The following CACNA1I variants were observed in gnomAD, a reference collection of about 807,000 sequenced individuals.
The protein encoded by CACNA1I is voltage-dependent T-type calcium channel subunit alpha-1I.
Under a neutral mutation model 201.6 loss-of-function variants are expected in CACNA1I, and 74 were observed. The ratio of observed to expected loss-of-function variants is 0.37; its 90% CI spans 0.30 to 0.45. The LOEUF is 0.45. Ranked by LOEUF, CACNA1I falls within the 20% of genes least tolerant of loss-of-function variation. The pLI is 1.00. For synonymous variants in CACNA1I, 1,431 were observed against 1,345.2 expected, an observed-to-expected ratio of 1.06 and a Z score of -1.40; for missense variants, 2,346 against 3,138.1, an observed-to-expected ratio of 0.75 and a Z score of 6.03.
intron 3 of CACNA1I, among the ~76,000 whole-genome samples, chr22:39,617,416 C>T (rs559948100): frequency 9.3e-4 from 141 of 152,138 alleles, no homozygotes; most frequent in African/African-American, 3.3e-3. Flanking sequence ...ACTCCCCCCA[C>T]CCCGCCCCCC....
In CACNA1I at chr22:39,662,006, C is replaced by A; in HGVS notation, c.2943C>A (p.Ser981Arg). Residue 981 changes from serine to arginine, a missense_variant, in exon 17 of 37, where the codon AGC becomes AGA. Around this residue, in one of 13 missense-constraint regions of CACNA1I, gnomAD observed 288 missense variants for 255.2 expected, o/e 1.13. Transcript: ENST00000402142. ...CCTACTACGGGCCATGGGGCCGCAG[C>A]GCGGCCTGGGCCAGCCGTCGCTCCA... ...RSSYYGPWGR[S>R]AAWASRRSSW... The A allele has an allele frequency of 1.3e-6, 2 of 1,563,090 alleles. No homozygotes were observed. The highest frequency in any genetic ancestry group is 1.7e-6 in the Non-Finnish European group (2 of 1,159,466).
intron 7 of CACNA1I, among the ~76,000 whole-genome samples, chr22:39,644,151 G>A (rs1934416809): frequency 6.6e-6 from 1 of 152,208 alleles, no homozygotes; most frequent in South Asian, 2.1e-4. Context: ...GGCTCACAGA[G>A]CCCCTGAAGC....
chr22:39,662,726 G>T, intron 17 of CACNA1I, 50 bp from the exon 18 acceptor site: 1 of 1,343,722 alleles, frequency 7.4e-7, no homozygotes, highest in East Asian at 2.5e-5. Flanking sequence ...GGCGGAGACC[G>T]GCAACCCTGC....
intron 5 of CACNA1I, among the ~76,000 whole-genome samples, chr22:39,637,768 CA>C (rs1338150769): frequency 1.3e-5 from 2 of 152,208 alleles, no homozygotes; most frequent in Admixed American, 6.5e-5. Flanking sequence ...GTTTATCAAT[CA>C]TTTTTTTAGC....
chr22:39,658,423 T>G (rs136848), intron 11 of CACNA1I, 120 bp downstream of exon 11: 513,451 of 885,062 alleles, frequency 0.58, 155,378 homozygotes, highest in East Asian at 1. Flanking sequence ...CTGAAACAAT[T>G]ATCGAAATAG....
At chr22:39,591,041 T>C (rs978392810) in intron 1 of CACNA1I, among the ~76,000 whole-genome samples, 6 of 151,434 alleles carry the variant, frequency 4.0e-5, no homozygotes, top group African/African-American at 1.5e-4. Flanking sequence ...TTTGCAGATA[T>C]GAGGTCTCAC....
At chr22:39,647,151 C>A (rs1475404012) in intron 8 of CACNA1I, among the ~76,000 whole-genome samples, 1 of 117,364 alleles carries the variant, frequency 8.5e-6, no homozygotes, top group South Asian at 2.8e-4. Context: ...GTGGAGATAG[C>A]AGATCGGCCT....
intron 1 of CACNA1I, among the ~76,000 whole-genome samples, chr22:39,577,021 G>A (rs1453691757): frequency 6.6e-6 from 1 of 151,798 alleles, no homozygotes; most frequent in African/African-American, 2.4e-5. Context: ...GTGCGATCTC[G>A]GCTCACTGCA....
intron 1 of CACNA1I, among the ~76,000 whole-genome samples, chr22:39,584,970 T>G (rs132574): frequency 0.93 from 141,140 of 152,292 alleles, 65,628 homozygotes; most frequent in Middle Eastern, 0.96. Context: ...TGATAACAAA[T>G]AATATATGTT....
chr22:39,615,660 T>A (rs1345071968), intron 3 of CACNA1I, among the ~76,000 whole-genome samples: 1 of 152,184 alleles, frequency 6.6e-6, no homozygotes, highest in Non-Finnish European at 1.5e-5. Flanking sequence ...CTCCTTTCTA[T>A]CCTCTTCTGC....
At chr22:39,673,116 C>T in intron 28 of CACNA1I, 34 bp downstream of exon 28, 2 of 1,445,534 alleles carry the variant, frequency 1.4e-6, no homozygotes, top group Non-Finnish European at 1.9e-6. Context: ...GGAACGGGGA[C>T]AAGCAGGGGC....
chr22:39,647,987 G>C, intron 9 of CACNA1I, 61 bp downstream of exon 9: 1 of 1,456,050 alleles, frequency 6.9e-7, no homozygotes. Flanking sequence ...TCTCCCAGTT[G>C]GTGCTGAGAA....
chr22:39,640,587 C>A (rs1194336191), intron 5 of CACNA1I, among the ~76,000 whole-genome samples: 1 of 152,114 alleles, frequency 6.6e-6, no homozygotes, highest in African/African-American at 2.4e-5. Context: ...GATGTCCAGA[C>A]TCCCGAGGGA....
chr22:39,649,712 GGCCCGGAGCAGCGAGGACGGA>G lies in CACNA1I; in HGVS notation c.1783_1803del (p.Arg595_Ala601del). On this transcript the variant is annotated inframe_deletion, in exon 10 of 37. Transcript: ENST00000402142. This position sits in a 1 kb window ranked among gnomAD's most constrained non-coding sequence, Gnocchi z 7.3. The stretch of plus-strand genomic sequence containing the variant: ...GCGAGGACGAGGCGGATGGGGACGG[GGCCCGGAGCAGCGAGGACGGA>G]GCCTCCTCAGAACTGGGGAAGGAGG... The G allele has an allele frequency of 1.3e-6, 2 of 1,529,930 alleles. No homozygotes were observed. Among genetic ancestry groups the G allele is most frequent in the Non-Finnish European group, 8.8e-7 (1 of 1,136,346 alleles). The allele number at this position is 1,529,930 out of a possible 1,614,324, so 94.8% of individuals were successfully genotyped here.
At chr22:39,654,478 C>T (rs1350369810) in intron 10 of CACNA1I, among the ~76,000 whole-genome samples, 1 of 146,550 alleles carries the variant, frequency 6.8e-6, no homozygotes, top group Non-Finnish European at 1.5e-5. Context: ...GGCATAGTTA[C>T]TGGCCCCAGC....
At position 39,684,177 on chromosome 22, in the gene CACNA1I, ACAGT is replaced by A; in HGVS notation, c.5831-120_5831-117del. The A allele has an allele frequency of 1.4e-6, 1 of 730,306 alleles. No individual in the cohort carries two copies. Among genetic ancestry groups the A allele is most frequent in the East Asian group, 2.7e-5 (1 of 37,106 alleles). The allele number at this position is 730,306 out of a possible 1,614,324, so 45.2% of individuals were successfully genotyped here. ...AGAGGGGGGACTTGTCCACAGTCTC[ACAGT>A]CAGTTTATTAGGTGGCCCCTCACTG... is the stretch of plus-strand genomic sequence containing the variant. On this transcript the variant is annotated intron_variant, in intron 35 of 36. Coordinates refer to ENST00000402142, the MANE Select transcript of CACNA1I (RefSeq NM_021096.4). This position sits in a 1 kb window ranked among gnomAD's most constrained non-coding sequence, Gnocchi z 4.6.
chr22:39,589,207 G>T (rs750530779), intron 1 of CACNA1I, among the ~76,000 whole-genome samples: 6 of 152,202 alleles, frequency 3.9e-5, no homozygotes, highest in Non-Finnish European at 8.8e-5. Context: ...CCATTCTTCT[G>T]TTGATGAACA....
At chr22:39,646,499 C>A in intron 7 of CACNA1I, 70 bp from the exon 8 acceptor site, 1 of 1,480,202 alleles carries the variant, frequency 6.8e-7, no homozygotes, top group Non-Finnish European at 9.0e-7. Context: ...CTCCATGACT[C>A]TGCCTCTCTC....
chr22:39,593,940 G>A (rs1932851231), intron 1 of CACNA1I, among the ~76,000 whole-genome samples: 1 of 152,232 alleles, frequency 6.6e-6, no homozygotes, highest in African/African-American at 2.4e-5. Flanking sequence ...TGGTTATCGT[G>A]TGGGGCAGAT....
Sources: gnomAD v4.1 joint callset for allele counts (sites outside exome capture counted in the v4.1 genomes callset) on GRCh38, gnomAD v4.1.1 for gene constraint, gnomAD v4.1.1 regional missense constraint, Gnocchi (gnomAD v3.1) non-coding constraint, MANE v1.5 for transcripts, NCBI Gene and HGNC (gene_info 2026-07-23, HGNC 2026-07-21) for gene names.